Variants in CLVS1 observed in about 807,000 individuals in gnomAD.
CLVS1 encodes the protein clavesin-1.
CLVS1 carries 10 observed loss-of-function variants against 33.1 expected under a neutral mutation model. That is an observed-to-expected ratio of 0.30 (90% CI 0.19 to 0.51). The LOEUF (loss-of-function observed/expected upper bound fraction) is 0.51. Ranked by LOEUF, CLVS1 falls within the 20% of genes least tolerant of loss-of-function variation. The pLI, the probability that CLVS1 is intolerant of heterozygous loss-of-function variation, is 0.97. For synonymous variants in CLVS1, 163 were observed against 166.1 expected (o/e 0.98, Z 0.14); for missense variants, 343 against 433.4 (o/e 0.79, Z 1.85).
At chr8:61,192,379 G>A (rs1175266826) in intron 2 of CLVS1, among the ~76,000 whole-genome samples, 2 of 152,096 alleles carry the variant, frequency 1.3e-5, no homozygotes, top group Non-Finnish European at 2.9e-5. Flanking sequence ...ATTAATTCAG[G>A]ATGAATTAAA....
chr8:61,129,593 A>G (rs1444415896), intron 1 of CLVS1, among the ~76,000 whole-genome samples: 1 of 152,248 alleles, frequency 6.6e-6, no homozygotes, highest in East Asian at 1.9e-4. Flanking sequence ...GTCCAAGATC[A>G]AGGAATTGAC....
At chr8:61,359,793 C>G (rs1009465674) in intron 2 of CLVS1, among the ~76,000 whole-genome samples, 1 of 152,124 alleles carries the variant, frequency 6.6e-6, no homozygotes, top group Admixed American at 6.5e-5. Flanking sequence ...TATGGGAAAA[C>G]CTGGTTTCCT....
At chr8:61,265,460 T>C (rs1459579751) in intron 2 of CLVS1, among the ~76,000 whole-genome samples, 1 of 152,256 alleles carries the variant, frequency 6.6e-6, no homozygotes, top group Non-Finnish European at 1.5e-5. Context: ...TAATACTACC[T>C]ATTTCTTTGA....
At chr8:61,089,715 A>G (rs761351734) in intron 1 of CLVS1, among the ~76,000 whole-genome samples, 5 of 151,908 alleles carry the variant, frequency 3.3e-5, no homozygotes, top group African/African-American at 7.3e-5. Flanking sequence ...GGCCAGTGGT[A>G]TGAGACTAGC....
At chr8:61,359,560 T>G (rs912212036) in intron 2 of CLVS1, among the ~76,000 whole-genome samples, 3 of 152,132 alleles carry the variant, frequency 2.0e-5, no homozygotes, top group African/African-American at 7.2e-5. Context: ...TTCACCATGT[T>G]GGCCAGGCTG....
At position 61,390,529 on chromosome 8, in the gene CLVS1, T is replaced by C. The variant is rs761855376; in HGVS notation, c.630+13750T>C. Among the ~76,000 whole-genome samples, 3 of 152,230 alleles carry C rather than the reference T, an allele frequency of 2.0e-5. No homozygotes were observed. In the South Asian group the frequency reaches 6.2e-4, roughly 32 times the overall value. The stretch of plus-strand genomic sequence containing the variant: ...ACCAGCAATGTATGAGAAAGTCTGT[T>C]TCCTGAACCCAAACCAACACTGGGT... On this transcript the variant is annotated intron_variant, in intron 3 of 5. Coordinates refer to ENST00000325897, the MANE Select transcript of CLVS1 (RefSeq NM_173519.3).
At chr8:61,422,231 G>A (rs1286225265) in intron 3 of CLVS1, among the ~76,000 whole-genome samples, 1 of 152,034 alleles carries the variant, frequency 6.6e-6, no homozygotes, top group African/African-American at 2.4e-5. Flanking sequence ...TAATGTCAAT[G>A]GGCATATACA....
At chr8:61,078,107 G>C (rs939975463) in intron 1 of CLVS1, among the ~76,000 whole-genome samples, 19 of 152,188 alleles carry the variant, frequency 1.2e-4, no homozygotes, top group Non-Finnish European at 2.6e-4. Flanking sequence ...GTCAGGATCC[G>C]AGGCAGGCCT....
chr8:61,405,392 G>A (rs1814947391), intron 3 of CLVS1, among the ~76,000 whole-genome samples: 1 of 152,142 alleles, frequency 6.6e-6, no homozygotes, highest in African/African-American at 2.4e-5. Flanking sequence ...CATTACACAA[G>A]GGCATTTCTG....
chr8:61,084,882 C>A (rs1805091040), intron 1 of CLVS1, among the ~76,000 whole-genome samples: 1 of 152,134 alleles, frequency 6.6e-6, no homozygotes, highest in South Asian at 2.1e-4. Flanking sequence ...TCCAAGTTTT[C>A]AGTTTATTGG....
chr8:60,974,760 T>C, the CLVS1 span, among the ~76,000 whole-genome samples: 2 of 146,044 alleles, frequency 1.4e-5, no homozygotes, highest in Non-Finnish European at 3.0e-5. Context: ...GCCTGGGCAA[T>C]AGAGCAAGAC....
At chr8:61,141,111 A>G (rs1036786501) in intron 2 of CLVS1, among the ~76,000 whole-genome samples, 4 of 152,132 alleles carry the variant, frequency 2.6e-5, no homozygotes, top group Non-Finnish European at 4.4e-5. Context: ...ATAATGGTTC[A>G]CTCACCTTGA....
the CLVS1 span, among the ~76,000 whole-genome samples, chr8:61,042,378 C>T: frequency 6.6e-6 from 1 of 152,180 alleles, no homozygotes; most frequent in Admixed American, 6.5e-5. Context: ...AAGAGGAAGT[C>T]ATCAGGAGAA....
At chr8:61,187,934 A>G (rs1020169462) in intron 2 of CLVS1, among the ~76,000 whole-genome samples, 1 of 151,922 alleles carries the variant, frequency 6.6e-6, no homozygotes, top group African/African-American at 2.4e-5. Context: ...GATATATTAT[A>G]GAGCTGAGAA....
At chr8:61,030,697 G>A in the CLVS1 span, among the ~76,000 whole-genome samples, 2 of 152,222 alleles carry the variant, frequency 1.3e-5, no homozygotes, top group Non-Finnish European at 2.9e-5. Flanking sequence ...TATTTATTGA[G>A]CCCATATTAT....
chr8:61,151,615 A>AG (rs1304408180), intron 2 of CLVS1, among the ~76,000 whole-genome samples: 2 of 152,118 alleles, frequency 1.3e-5, no homozygotes, highest in Non-Finnish European at 2.9e-5. Flanking sequence ...GGAGGCAGTG[A>AG]GGGATGGGAG....
At chr8:61,018,119 G>T in the CLVS1 span, among the ~76,000 whole-genome samples, 1 of 152,122 alleles carries the variant, frequency 6.6e-6, no homozygotes, top group Non-Finnish European at 1.5e-5. Context: ...CACATCATTG[G>T]CAAGAATTTT....
intron 2 of CLVS1, among the ~76,000 whole-genome samples, chr8:61,141,038 G>A (rs1806299083): frequency 6.6e-6 from 1 of 152,146 alleles, no homozygotes; most frequent in Admixed American, 6.5e-5. Context: ...ACACAGCTCT[G>A]CCTTTTACTA....
At chr8:61,303,278 G>T (rs1159370122) in intron 2 of CLVS1, among the ~76,000 whole-genome samples, 1 of 152,154 alleles carries the variant, frequency 6.6e-6, no homozygotes, top group Non-Finnish European at 1.5e-5. Flanking sequence ...TTAAGAAGAG[G>T]AAACAAATCT....
Sources: gnomAD v4.1 joint callset for allele counts (sites outside exome capture counted in the v4.1 genomes callset) on GRCh38, gnomAD v4.1.1 for gene constraint, MANE v1.5 for transcripts, NCBI Gene and HGNC (gene_info 2026-07-23, HGNC 2026-07-21) for gene names.